The following KCNT2 variants were observed in gnomAD, a reference collection of about 807,000 sequenced individuals.
The protein encoded by KCNT2 is potassium sodium-activated channel subfamily T member 2, also known as potassium channel subfamily T member 2.
In KCNT2, 67 loss-of-function variants were observed where a neutral mutation model predicts 153.8. The observed-to-expected ratio is 0.44, with a 90% CI of 0.36 to 0.53. The LOEUF is 0.53. Among genes scored for constraint, KCNT2 ranks in the 20% least tolerant of loss-of-function variants. The pLI is 0.00. For synonymous variants in KCNT2, 500 were observed against 458.8 expected (o/e 1.09, Z -1.15); for missense variants, 975 against 1,354.8 (o/e 0.72, Z 4.40).
At chr1:196,354,394 A>G (rs921718381) in intron 14 of KCNT2, among the ~76,000 whole-genome samples, 8 of 151,746 alleles carry the variant, frequency 5.3e-5, no homozygotes, top group African/African-American at 1.7e-4. Flanking sequence ...TTTTCATATT[A>G]GTTACTTTTA....
At chr1:196,313,675 A>C (rs531334783) in intron 21 of KCNT2, among the ~76,000 whole-genome samples, 97 of 151,308 alleles carry the variant, frequency 6.4e-4, no homozygotes, top group South Asian at 1.5e-3. Context: ...ACACAACACA[A>C]AAAAAAAGTT....
intron 21 of KCNT2, among the ~76,000 whole-genome samples, chr1:196,315,430 A>G (rs977862947): frequency 3.3e-5 from 5 of 151,720 alleles, no homozygotes; most frequent in Non-Finnish European, 7.4e-5. Flanking sequence ...CATTTAATTA[A>G]TAAAAGACAG....
At chr1:196,536,420 C>T (rs1028007338) in intron 1 of KCNT2, among the ~76,000 whole-genome samples, 13 of 152,314 alleles carry the variant, frequency 8.5e-5, no homozygotes, top group African/African-American at 3.1e-4. Flanking sequence ...TGAGTTCAGC[C>T]CATTGAGCAC....
At chr1:196,499,357 C>CA (rs1396135310) in intron 1 of KCNT2, among the ~76,000 whole-genome samples, 6 of 152,224 alleles carry the variant, frequency 3.9e-5, no homozygotes, top group African/African-American at 1.2e-4. Context: ...AGTTCTCAGT[C>CA]ATACCACGTT....
rs1653799919 is a variant in KCNT2 at position 196,229,888 on chromosome 1, G to A, written c.3297-1553C>T. On this transcript the variant is annotated intron_variant, in intron 27 of 27. Transcript: ENST00000294725. ...AGGGAAGTGAAGAAGCTATGGAAGA[G>A]GTTAGCTATGGAAGAGGAAGCTAGC... 2.6e-5 allele frequency among the ~76,000 whole-genome samples: 4 copies of A among 152,130 alleles called. No individual in the cohort carries two copies. The South Asian group carries it at 6.2e-4, about 24-fold the overall frequency.
intron 13 of KCNT2, among the ~76,000 whole-genome samples, chr1:196,378,502 C>T (rs1355657383): frequency 6.6e-6 from 1 of 151,634 alleles, no homozygotes; most frequent in Non-Finnish European, 1.5e-5. Context: ...TCAAATACTC[C>T]AAGTTTTAGT....
chr1:196,342,417 AT>A (rs1665730939), intron 14 of KCNT2, among the ~76,000 whole-genome samples, 189 bp from the exon 15 acceptor site: 1 of 90,508 alleles, frequency 1.1e-5, no homozygotes. Flanking sequence ...AAAATTTTGA[AT>A]ACTATATATA....
intron 12 of KCNT2, among the ~76,000 whole-genome samples, chr1:196,408,928 C>T (rs942569957): frequency 1.3e-4 from 19 of 151,480 alleles, no homozygotes; most frequent in African/African-American, 4.6e-4. Context: ...TGATCCCCTG[C>T]ATTTTTATAC....
At chr1:196,574,829 G>T (rs1459545535) in intron 1 of KCNT2, among the ~76,000 whole-genome samples, 4 of 151,716 alleles carry the variant, frequency 2.6e-5, no homozygotes, top group Non-Finnish European at 4.4e-5. Flanking sequence ...CATAAGAAGG[G>T]TTTTTTCTTT....
At chr1:196,303,151 G>T (rs1470281854) in intron 22 of KCNT2, among the ~76,000 whole-genome samples, 1 of 152,016 alleles carries the variant, frequency 6.6e-6, no homozygotes, top group Non-Finnish European at 1.5e-5. Context: ...CCCTGAGATG[G>T]ATGCAAATCT....
At chr1:196,246,021 A>G (rs139048874) in intron 26 of KCNT2, among the ~76,000 whole-genome samples, 20 of 152,254 alleles carry the variant, frequency 1.3e-4, no homozygotes, top group African/African-American at 4.6e-4. Context: ...CAGATTAATC[A>G]AAATAAGACT....
chr1:196,550,260 T>A (rs1349117672), intron 1 of KCNT2, among the ~76,000 whole-genome samples: 2 of 151,818 alleles, frequency 1.3e-5, no homozygotes, highest in Non-Finnish European at 2.9e-5. Context: ...TTTCTCAGCA[T>A]GAGTGAGAGA....
intron 13 of KCNT2, among the ~76,000 whole-genome samples, chr1:196,390,480 T>C (rs1405685845): frequency 6.6e-6 from 1 of 151,462 alleles, no homozygotes. Context: ...ATATGGAATG[T>C]TTTACGTATA....
intron 12 of KCNT2, among the ~76,000 whole-genome samples, chr1:196,413,577 T>C (rs1304353704): frequency 6.6e-6 from 1 of 151,714 alleles, no homozygotes; most frequent in Non-Finnish European, 1.5e-5. Flanking sequence ...AAAAAAATTC[T>C]GGGCATCTTC....
At chr1:196,257,331 C>T in intron 26 of KCNT2, 4 of 982,016 alleles carry the variant, frequency 4.1e-6, no homozygotes, top group Middle Eastern at 5.3e-4. Flanking sequence ...ACTAAAATTT[C>T]TTCCTAAGAA....
chr1:196,281,986 T>C (rs1478905463), intron 24 of KCNT2, among the ~76,000 whole-genome samples: 7 of 151,832 alleles, frequency 4.6e-5, no homozygotes, highest in Non-Finnish European at 1.0e-4. Context: ...CCTGACCTCA[T>C]GATCCACCCG....
At chr1:196,568,906 A>C (rs777057610) in intron 1 of KCNT2, among the ~76,000 whole-genome samples, 2 of 151,888 alleles carry the variant, frequency 1.3e-5, no homozygotes, top group Non-Finnish European at 2.9e-5. Flanking sequence ...GGTTCAAAGA[A>C]CTCTGTACGG....
chr1:196,311,946 C>T (rs1417000734), intron 21 of KCNT2, among the ~76,000 whole-genome samples: 1 of 151,724 alleles, frequency 6.6e-6, no homozygotes, highest in Non-Finnish European at 1.5e-5. Context: ...TGGGTTTAAA[C>T]TTTGTTTAGA....
chr1:196,596,608 T>C (rs1465947416), intron 1 of KCNT2, among the ~76,000 whole-genome samples: 5 of 152,186 alleles, frequency 3.3e-5, no homozygotes, highest in Non-Finnish European at 7.3e-5. Flanking sequence ...CCCTCCATGA[T>C]TGGTTAAATC....
Sources: allele counts gnomAD v4.1 joint callset (sites outside exome capture counted in the v4.1 genomes callset), GRCh38; gene constraint gnomAD v4.1.1; transcripts MANE v1.5; gene names NCBI Gene and HGNC (gene_info 2026-07-23, HGNC 2026-07-21).